The following MIOS variants were observed in gnomAD, a reference collection of about 807,000 sequenced individuals.
MIOS encodes GATOR2 complex protein MIOS.
Under a neutral mutation model 96.9 loss-of-function variants are expected in MIOS, and 52 were observed. The observed-to-expected ratio is 0.54, with a 90% CI of 0.43 to 0.68. The LOEUF (loss-of-function observed/expected upper bound fraction) is 0.68. Among genes scored for constraint, MIOS ranks in the 30% least tolerant of loss-of-function variants. MIOS has a pLI of 0.00. For missense variants in MIOS, 1,005 were observed against 1,052.8 expected, an observed-to-expected ratio of 0.95 and a Z score of 0.63; for synonymous variants, 397 against 359.5, an observed-to-expected ratio of 1.10 and a Z score of -1.18.
Position 7,589,401 on chromosome 7 carries a change from C to G in MIOS, c.1885-4C>G, listed in dbSNP as rs747333622. On this transcript the variant is annotated splice_polypyrimidine_tract_variant and splice_region_variant and intron_variant, in intron 8 of 12. Coordinates refer to ENST00000340080, the MANE Select transcript of MIOS (RefSeq NM_019005.4). ...CTTTAGAAAAATCACTTTAAATTTT[C>G]CAGTTAAATAGATACATCGAAAAGT... is the stretch of plus-strand genomic sequence containing the variant. The G allele has an allele frequency of 3.1e-6, 5 of 1,610,422 alleles. No individual in the cohort carries two copies. In the South Asian group the frequency reaches 5.5e-5, roughly 18 times the overall value.
chr7:7,585,416 C>CCTTTTTTTTTT (rs1563027929), intron 6 of MIOS, among the ~76,000 whole-genome samples: 1 of 73,466 alleles, frequency 1.4e-5, no homozygotes, highest in African/African-American at 4.1e-5. Flanking sequence ...AAACCCCCCC[C>CCTTTTTTTTTT]TTTTTTTTTT....
chr7:7,600,459 C>G (rs571471644), intron 11 of MIOS, among the ~76,000 whole-genome samples: 1 of 152,172 alleles, frequency 6.6e-6, no homozygotes, highest in East Asian at 1.9e-4. Context: ...CAACAAAGAT[C>G]AAAAGAGACA....
Position 7,572,133 on chromosome 7 carries a change from T to C in MIOS, c.-40-303T>C, listed in dbSNP as rs544526843. Among the ~76,000 whole-genome samples, 17 of 152,368 alleles carry C rather than the reference T, an allele frequency of 1.1e-4. No individual in the cohort carries two copies. The highest frequency in any genetic ancestry group is 9.8e-4 in the Admixed American group (15 of 15,304). ...TTTGCTTACCACACTGAAGTTGTTA[T>C]AACTCTGAAGTTAAGCTGAAGGTAC... On this transcript the variant is annotated intron_variant, in intron 3 of 12. Coordinates refer to ENST00000340080, the MANE Select transcript of MIOS (RefSeq NM_019005.4). This position sits in a 1 kb window ranked among gnomAD's most constrained non-coding sequence, Gnocchi z 4.8.
intron 11 of MIOS, among the ~76,000 whole-genome samples, chr7:7,599,635 G>A (rs2115483948): frequency 6.6e-6 from 1 of 152,272 alleles, no homozygotes; most frequent in Non-Finnish European, 1.5e-5. Context: ...TACAGGGGGT[G>A]TTTGGGAAGA....
rs1187128240 is a variant in MIOS, at chr7:7,602,860, A to G, written c.2402-3082A>G. On this transcript the variant is annotated intron_variant, in intron 11 of 12. Transcript: ENST00000340080. ...GTAACCAAAACAGCATGGTACTGGT[A>G]CCAAAACAGAGATATAGACCAATGG... 2.0e-5 allele frequency among the ~76,000 whole-genome samples: 3 copies of G among 152,294 alleles called. 1 individual carries two copies. The East Asian group carries it at 5.8e-4, about 29-fold the overall frequency.
In MIOS at chr7:7,572,828, C is replaced by A. The variant is rs1343679272; in HGVS notation, c.353C>A (p.Thr118Asn). 4 of 1,613,970 alleles carry A rather than the reference C, an allele frequency of 2.5e-6. No individual in the cohort carries two copies. In the African/African-American group the frequency reaches 4.0e-5, roughly 16 times the overall value. Residue 118 changes from threonine to asparagine, a missense_variant, in exon 4 of 13, where the codon ACC (threonine) becomes AAC (asparagine). This residue lies in a region of MIOS where 137 missense variants were observed against 148.6 expected (regional missense o/e 0.92). Coordinates refer to ENST00000340080, the MANE Select transcript of MIOS (RefSeq NM_019005.4). This position sits in a 1 kb window ranked among gnomAD's most constrained non-coding sequence, Gnocchi z 4.8. ...CCAAAACATGCACGACAATGTAATA[C>A]CCTTGCCTGGAATCCACTGGATAGT... Reference protein sequence around the residue: ...FVPKHARQCNTLAWNPLDSNW... With the variant: ...FVPKHARQCNNLAWNPLDSNW...
At chr7:7,606,104 G>T (rs1172009111) in intron 12 of MIOS, 33 bp downstream of exon 12, 1 of 1,611,056 alleles carries the variant, frequency 6.2e-7, no homozygotes, top group East Asian at 2.2e-5. Context: ...GATAGGCTTG[G>T]AGTTATGGGG....
At chr7:7,571,599 T>C (rs998497879) in intron 3 of MIOS, among the ~76,000 whole-genome samples, 5 of 152,212 alleles carry the variant, frequency 3.3e-5, no homozygotes, top group African/African-American at 9.7e-5. Context: ...AAGAAAAATA[T>C]TAATGGCATA....
chr7:7,598,741 A>G (rs1436350588), intron 11 of MIOS, among the ~76,000 whole-genome samples: 1 of 152,190 alleles, frequency 6.6e-6, no homozygotes, highest in African/African-American at 2.4e-5. Context: ...GCTGAATACC[A>G]GTTTTTCAAT....
At chr7:7,594,268 T>C (rs1784137854) in intron 9 of MIOS, among the ~76,000 whole-genome samples, 1 of 151,886 alleles carries the variant, frequency 6.6e-6, no homozygotes, top group Non-Finnish European at 1.5e-5. Context: ...CCAAGCTAAC[T>C]GTTAGTTCAG....
chr7:7,590,696 T>C (rs780189566), intron 9 of MIOS, among the ~76,000 whole-genome samples: 2 of 152,250 alleles, frequency 1.3e-5, no homozygotes, highest in African/African-American at 4.8e-5. Context: ...ATTGCCTCTA[T>C]TGGCTTTTTA....
In MIOS at chr7:7,593,471, T is replaced by G. The variant is rs577844878; in HGVS notation, c.2044-1509T>G. Among the ~76,000 whole-genome samples the G allele has an allele frequency of 2.6e-5, 4 of 152,242 alleles. No individual in the cohort carries two copies. The South Asian group carries it at 8.3e-4, about 32-fold the overall frequency. ...TGAAATTTCACTTTTCTATTGGCCC[T>G]CAAGTAGGACTGAGAAAACTAACCT... On this transcript the variant is annotated intron_variant, in intron 9 of 12. Transcript: ENST00000340080.
chr7:7,573,844 G>A lies in MIOS; in HGVS notation c.1294+75G>A, dbSNP rs945991477. ...TTGAAGTTTGCCAAAAGGTCAGTCT[G>A]TAAATATGCTCAATGTTTTATATAC... On this transcript the variant is annotated intron_variant, in intron 4 of 12. Transcript: ENST00000340080. The surrounding 1 kb of genome is among the most constrained non-coding windows in gnomAD (Gnocchi z 5.0). 4 of 1,300,328 alleles carry A rather than the reference G, an allele frequency of 3.1e-6. No individual in the cohort carries two copies. In the African/African-American group the frequency reaches 5.9e-5, roughly 19 times the overall value. The allele number at this position is 1,300,328 out of a possible 1,614,324, so 80.5% of individuals were successfully genotyped here.
intron 11 of MIOS, among the ~76,000 whole-genome samples, chr7:7,597,245 G>T (rs1260707948): frequency 6.6e-6 from 1 of 151,232 alleles, no homozygotes; most frequent in Non-Finnish European, 1.5e-5. Context: ...AGAATTGCTT[G>T]AACCCGGGAG....
intron 7 of MIOS, 139 bp from the exon 8 acceptor site, chr7:7,588,359 G>T (rs1302599894): frequency 2.3e-6 from 1 of 437,680 alleles, no homozygotes; most frequent in Admixed American, 4.3e-5. Flanking sequence ...GCAATTAATG[G>T]CTCTGCAAGA....
intron 9 of MIOS, among the ~76,000 whole-genome samples, chr7:7,593,580 A>G (rs1784109669): frequency 6.6e-6 from 1 of 151,958 alleles, no homozygotes; most frequent in Non-Finnish European, 1.5e-5. Context: ...TATCCTGGAC[A>G]GGGCTGAAAG....
intron 8 of MIOS, 22 bp downstream of exon 8, chr7:7,588,585 C>T: frequency 2.0e-6 from 3 of 1,499,928 alleles, no homozygotes; most frequent in South Asian, 1.3e-5. Context: ...TTTAATTCCA[C>T]ATTTGAAGTA....
intron 11 of MIOS, among the ~76,000 whole-genome samples, chr7:7,601,224 G>T (rs1027776860): frequency 2.0e-5 from 3 of 150,818 alleles, no homozygotes; most frequent in Non-Finnish European, 4.4e-5. Context: ...GATCAGAGCA[G>T]AACTGAAGGA....
chr7:7,570,492 G>A (rs1269214160), intron 3 of MIOS, among the ~76,000 whole-genome samples: 1 of 152,114 alleles, frequency 6.6e-6, no homozygotes, highest in African/African-American at 2.4e-5. Flanking sequence ...TGTGGTTTCA[G>A]GATGATTCAA....
Sources: allele counts gnomAD v4.1 joint callset (sites outside exome capture counted in the v4.1 genomes callset), GRCh38; gene constraint gnomAD v4.1.1; regional missense constraint gnomAD v4.1.1; non-coding constraint Gnocchi (gnomAD v3.1); transcripts MANE v1.5; gene names NCBI Gene and HGNC (gene_info 2026-07-23, HGNC 2026-07-21).